The following DENND4C variants were observed in gnomAD, a reference collection of about 807,000 sequenced individuals.
DENND4C encodes the protein DENN domain containing 4C.
Under a neutral mutation model 203.0 loss-of-function variants are expected in DENND4C, and 108 were observed. The ratio of observed to expected loss-of-function variants is 0.53; its 90% confidence interval spans 0.46 to 0.62. DENND4C has a LOEUF of 0.62. Ranked by LOEUF, DENND4C falls within the 20% of genes least tolerant of loss-of-function variation. The pLI is 0.00. For synonymous variants in DENND4C, 871 were observed against 792.4 expected (o/e 1.10, Z -1.67); for missense variants, 2,481 against 2,301.2 (o/e 1.08, Z -1.60).
intron 1 of DENND4C, among the ~76,000 whole-genome samples, chr9:19,269,186 G>C (rs1243582507): frequency 6.6e-6 from 1 of 151,722 alleles, no homozygotes; most frequent in Non-Finnish European, 1.5e-5. Context: ...TTTTGAGATG[G>C]AGTTTCGCTT....
intron 30 of DENND4C, among the ~76,000 whole-genome samples, chr9:19,363,905 T>C (rs1827055805): frequency 6.6e-6 from 1 of 151,964 alleles, no homozygotes; most frequent in Non-Finnish European, 1.5e-5. Context: ...TCCCAGCTAC[T>C]CAGGAGGCTG....
chr9:19,281,238 GC>G (rs11311079), intron 2 of DENND4C, among the ~76,000 whole-genome samples: 39,377 of 152,020 alleles, frequency 0.26, 5,238 homozygotes, highest in East Asian at 0.44. Flanking sequence ...AGTTCCTAAG[GC>G]TTCTAATTTT....
intron 1 of DENND4C, among the ~76,000 whole-genome samples, chr9:19,249,735 A>T (rs1440535180): frequency 6.6e-6 from 1 of 151,988 alleles, no homozygotes; most frequent in Non-Finnish European, 1.5e-5. Context: ...CACAGGCTAT[A>T]ATGCAGTGGC....
At chr9:19,367,515 C>G (rs35632082) in intron 30 of DENND4C, among the ~76,000 whole-genome samples, 43,133 of 152,220 alleles carry the variant, frequency 0.28, 6,292 homozygotes, top group Middle Eastern at 0.38. Flanking sequence ...GCCGGCAGAT[C>G]ACTTGAGGTC....
intron 8 of DENND4C, among the ~76,000 whole-genome samples, chr9:19,299,614 T>C (rs1012502954): frequency 1.5e-4 from 23 of 152,282 alleles, no homozygotes; most frequent in African/African-American, 5.3e-4. Flanking sequence ...ATGTCTCAAA[T>C]CCTTTTACTT....
intron 9 of DENND4C, 85 bp downstream of exon 9, chr9:19,300,416 T>C (rs780937717): frequency 1.0e-4 from 132 of 1,264,530 alleles, no homozygotes; most frequent in Non-Finnish European, 1.2e-4. Flanking sequence ...ACAGCAACTT[T>C]GTAAACAACA....
chr9:19,248,681 C>T (rs577267395), intron 1 of DENND4C, among the ~76,000 whole-genome samples: 3 of 151,982 alleles, frequency 2.0e-5, no homozygotes, highest in African/African-American at 4.8e-5. Flanking sequence ...TGTGCCTCTG[C>T]GCCTGGCTAG....
At chr9:19,270,595 C>T (rs1831445352) in intron 1 of DENND4C, among the ~76,000 whole-genome samples, 1 of 152,172 alleles carries the variant, frequency 6.6e-6, no homozygotes, top group African/African-American at 2.4e-5. Context: ...ATCCATTCAT[C>T]TCTTGATGGT....
rs991983429 is a variant in DENND4C, at chr9:19,276,149, C to G, written c.-17-9C>G. The G allele has an allele frequency of 2.5e-6, 3 of 1,219,688 alleles. No homozygotes were observed. Among genetic ancestry groups the G allele is most frequent in the Admixed American group, 4.2e-5 (1 of 23,654 alleles). 75.6% of individuals were successfully genotyped at this position (1,219,688 alleles called of 1,614,324 possible). On this transcript the variant is annotated splice_polypyrimidine_tract_variant and intron_variant, in intron 1 of 32. Transcript: ENST00000434457. ...TATTTTATTGGTATCTTTCCCCTCC[C>G]TCTTCTAGAAAATACAGTAGCAGCC...
intron 2 of DENND4C, among the ~76,000 whole-genome samples, chr9:19,276,897 A>G (rs905069185): frequency 6.6e-6 from 1 of 152,006 alleles, no homozygotes; most frequent in African/African-American, 2.4e-5. Context: ...GAGCAGTCCT[A>G]TTTTAAATAC....
At chr9:19,250,894 C>T (rs568389845) in intron 1 of DENND4C, among the ~76,000 whole-genome samples, 33 of 152,356 alleles carry the variant, frequency 2.2e-4, no homozygotes, top group African/African-American at 6.5e-4. Context: ...AGCCTCCCTC[C>T]GGTGTGCTTT....
chr9:19,332,806 G>C (rs938792498), intron 17 of DENND4C, among the ~76,000 whole-genome samples: 5 of 104,392 alleles, frequency 4.8e-5, no homozygotes, highest in African/African-American at 1.9e-4. Flanking sequence ...GTCTCACTTT[G>C]TTTCCCAGGC....
At chr9:19,309,863 C>G (rs938850968) in intron 10 of DENND4C, among the ~76,000 whole-genome samples, 1 of 151,716 alleles carries the variant, frequency 6.6e-6, no homozygotes, top group Admixed American at 6.6e-5. Flanking sequence ...TTTATAGATT[C>G]GTTTGGAGGC....
At chr9:19,361,033 C>A (rs896700862) in intron 29 of DENND4C, among the ~76,000 whole-genome samples, 1 of 152,108 alleles carries the variant, frequency 6.6e-6, no homozygotes, top group Non-Finnish European at 1.5e-5. Flanking sequence ...ACCACCACAT[C>A]CAGTTAATTT....
At chr9:19,278,785 A>C (rs1050483940) in intron 2 of DENND4C, among the ~76,000 whole-genome samples, 1 of 152,126 alleles carries the variant, frequency 6.6e-6, no homozygotes, top group Non-Finnish European at 1.5e-5. Flanking sequence ...TCAGCTTTAT[A>C]GGGTCATTGA....
chr9:19,312,873 A>G (rs796431978), intron 10 of DENND4C, among the ~76,000 whole-genome samples: 3 of 152,310 alleles, frequency 2.0e-5, no homozygotes, highest in African/African-American at 4.8e-5. Context: ...TATGTTAGAT[A>G]TATTATGTTT....
intron 18 of DENND4C, among the ~76,000 whole-genome samples, chr9:19,335,603 C>T (rs759343810): frequency 3.3e-5 from 5 of 152,006 alleles, no homozygotes; most frequent in African/African-American, 7.2e-5. Flanking sequence ...TGAGATCTTG[C>T]GGTATTTGTC....
intron 4 of DENND4C, 131 bp from the exon 5 acceptor site, chr9:19,290,573 A>C (rs965317119): frequency 3.4e-6 from 2 of 582,122 alleles, no homozygotes; most frequent in Non-Finnish European, 5.3e-6. Context: ...GCAAGGGGGA[A>C]ATCAATTTTA....
intron 1 of DENND4C, among the ~76,000 whole-genome samples, chr9:19,233,048 A>G (rs1448709949): frequency 6.6e-6 from 1 of 151,886 alleles, no homozygotes; most frequent in Non-Finnish European, 1.5e-5. Context: ...AAAAAAAAAA[A>G]AAAGAAAAAT....
Sources: gnomAD v4.1 joint callset for allele counts (sites outside exome capture counted in the v4.1 genomes callset) on GRCh38, gnomAD v4.1.1 for gene constraint, MANE v1.5 for transcripts, NCBI Gene and HGNC (gene_info 2026-07-23, HGNC 2026-07-21) for gene names.